KGD4: variants seen among roughly 807,000 people sequenced by gnomAD.
KGD4 encodes the protein alpha-ketoglutarate dehydrogenase component 4.
the KGD4 span, chr5:69,217,921 G>C: frequency 6.2e-7 from 1 of 1,613,544 alleles, no homozygotes; most frequent in Admixed American, 1.7e-5. Flanking sequence ...GGACGGTGCT[G>C]ACTATGGCGA....
At chr5:69,229,397 C>T in the KGD4 span, 1 of 551,464 alleles carries the variant, frequency 1.8e-6, no homozygotes, top group Non-Finnish European at 3.1e-6. Context: ...GTATCTTGGT[C>T]AGCTTCTCCA....
At chr5:69,226,787 G>A in the KGD4 span, among the ~76,000 whole-genome samples, 16 of 152,074 alleles carry the variant, frequency 1.1e-4, no homozygotes, top group South Asian at 3.3e-3. Context: ...GGCGGAGGTT[G>A]CAGTGAGCTA....
the KGD4 span, among the ~76,000 whole-genome samples, chr5:69,226,163 G>A: frequency 6.6e-6 from 1 of 152,240 alleles, no homozygotes; most frequent in Non-Finnish European, 1.5e-5. Context: ...ACAAAGTTGT[G>A]TTTACCGGGT....
the KGD4 span, chr5:69,218,110 A>G: frequency 9.7e-6 from 6 of 619,804 alleles, no homozygotes; most frequent in African/African-American, 1.9e-5. Flanking sequence ...GCATCTTGGC[A>G]GGTAGGTCCT....
the KGD4 span, chr5:69,228,178 T>G: frequency 4.5e-5 from 54 of 1,202,890 alleles, no homozygotes; most frequent in Non-Finnish European, 6.1e-5. Flanking sequence ...TCTAATAAGG[T>G]CTTTTTTTTT....
chr5:69,221,537 T>C, the KGD4 span, among the ~76,000 whole-genome samples: 13 of 152,308 alleles, frequency 8.5e-5, no homozygotes, highest in East Asian at 2.5e-3. Flanking sequence ...GGAGAAAAGA[T>C]AGTCTTTTCA....
chr5:69,223,751 A>T, the KGD4 span, among the ~76,000 whole-genome samples: 2 of 152,162 alleles, frequency 1.3e-5, no homozygotes, highest in African/African-American at 4.8e-5. Flanking sequence ...TCTGTTCCAA[A>T]AACAGTATTC....
chr5:69,227,029 G>A, the KGD4 span, among the ~76,000 whole-genome samples: 1 of 151,870 alleles, frequency 6.6e-6, no homozygotes, highest in Admixed American at 6.6e-5. Context: ...ACACTAGCAC[G>A]CCTGGCTAAT....
At chr5:69,224,655 G>A in the KGD4 span, among the ~76,000 whole-genome samples, 1 of 152,070 alleles carries the variant, frequency 6.6e-6, no homozygotes, top group South Asian at 2.1e-4. Context: ...AACTTTGGGA[G>A]GCTAAGGCAA....
At chr5:69,222,398 A>G in the KGD4 span, among the ~76,000 whole-genome samples, 3 of 152,226 alleles carry the variant, frequency 2.0e-5, no homozygotes, top group South Asian at 4.1e-4. Context: ...GATAAATAGG[A>G]TGAATTGGGG....
chr5:69,228,764 C>T, the KGD4 span, among the ~76,000 whole-genome samples: 2 of 151,962 alleles, frequency 1.3e-5, no homozygotes, highest in African/African-American at 2.4e-5. Context: ...CCTGTAATCC[C>T]AGCACTTTGG....
the KGD4 span, among the ~76,000 whole-genome samples, chr5:69,225,822 G>T: frequency 6.6e-6 from 1 of 152,058 alleles, no homozygotes; most frequent in Non-Finnish European, 1.5e-5. Context: ...CTCGTGATCC[G>T]TCCGCCTCGG....
At chr5:69,224,312 A>C in the KGD4 span, among the ~76,000 whole-genome samples, 1 of 151,552 alleles carries the variant, frequency 6.6e-6, no homozygotes, top group African/African-American at 2.4e-5. Flanking sequence ...AATTGCTTGA[A>C]CCTGGGAGGC....
the KGD4 span, chr5:69,229,204 T>G: frequency 6.2e-7 from 1 of 1,610,424 alleles, no homozygotes; most frequent in Non-Finnish European, 8.5e-7. Flanking sequence ...TTTTTCCTTT[T>G]CAGCGTGGAG....
At chr5:69,229,021 C>CAA in the KGD4 span, among the ~76,000 whole-genome samples, 38 of 50,500 alleles carry the variant, frequency 7.5e-4, no homozygotes, top group African/African-American at 9.5e-4. Flanking sequence ...AACTCCATCT[C>CAA]AAAAAAAAAA....
At chr5:69,220,992 G>T in the KGD4 span, among the ~76,000 whole-genome samples, 1 of 152,126 alleles carries the variant, frequency 6.6e-6, no homozygotes, top group African/African-American at 2.4e-5. Context: ...CAGCATGCTC[G>T]TTAAGAGTCA....
chr5:69,224,296 C>G, the KGD4 span, among the ~76,000 whole-genome samples: 1 of 151,230 alleles, frequency 6.6e-6, no homozygotes, highest in East Asian at 2.0e-4. Flanking sequence ...GAGGCTGAGG[C>G]AGGAGAATTG....
the KGD4 span, chr5:69,230,076 A>G: frequency 6.6e-3 from 1,001 of 152,046 alleles, 8 homozygotes; most frequent in African/African-American, 0.023. Context: ...TGAAACTTTA[A>G]TGGGGCCCCT....
At chr5:69,226,486 C>T in the KGD4 span, 1 of 953,388 alleles carries the variant, frequency 1.0e-6, no homozygotes. Flanking sequence ...CAATATTTCT[C>T]ATTTTAAAAT....
Sources: allele counts gnomAD v4.1 joint callset (sites outside exome capture counted in the v4.1 genomes callset), GRCh38; gene constraint gnomAD v4.1.1; transcripts MANE v1.5; gene names NCBI Gene and HGNC (gene_info 2026-07-23, HGNC 2026-07-21).